Variants in RHCE observed in about 807,000 individuals in gnomAD.
RHCE encodes the protein blood group Rh(CE) polypeptide.
In RHCE, 22 loss-of-function variants were observed where a neutral mutation model predicts 43.8. The observed-to-expected ratio is 0.50, with a 90% confidence interval of 0.36 to 0.72. The LOEUF is 0.72. RHCE is among the 30% of genes least tolerant of loss of function. RHCE has a pLI of 0.00. For missense variants in RHCE, 385 were observed against 525.4 expected, an observed-to-expected ratio of 0.73 and a Z score of 2.61; for synonymous variants, 156 against 210.7, an observed-to-expected ratio of 0.74 and a Z score of 2.25.
intron 1 of RHCE, among the ~76,000 whole-genome samples, chr1:25,417,397 C>T (rs945996509): frequency 3.3e-5 from 5 of 152,186 alleles, no homozygotes; most frequent in Non-Finnish European, 5.9e-5. Context: ...CCAACTCGTG[C>T]AGAAAAACAC....
intron 1 of RHCE, among the ~76,000 whole-genome samples, chr1:25,415,605 T>C (rs1053086162): frequency 4.6e-5 from 7 of 151,836 alleles, no homozygotes; most frequent in African/African-American, 1.7e-4. Flanking sequence ...TGAGCCAAGA[T>C]CGCACCACTG....
chr1:25,369,274 A>G (rs1475949117), intron 9 of RHCE, among the ~76,000 whole-genome samples: 2 of 151,526 alleles, frequency 1.3e-5, no homozygotes. Flanking sequence ...TGGGTGGGGC[A>G]AGCATTGGCC....
Position 25,420,758 on chromosome 1 carries a change from C to T in RHCE, c.29G>A (p.Arg10Gln), listed in dbSNP as rs1221478142. ...TAGGGCGCAGAGGGGCAGGCAGCGC[C>T]GGACAGACCGCGGGTACTTAGAGCT... MSSKYPRSV[R>Q]RCLPLCALTL... The change falls in exon 1 of 10, where the codon CGG (arginine) becomes CAG (glutamine). Residue 10 changes from arginine (R) to glutamine (Q), a missense_variant. By Grantham distance (43) the Arg-to-Gln change is conservative (BLOSUM62 1). Around this residue, in one of 6 missense-constraint regions of RHCE, gnomAD observed 110 missense variants for 192.1 expected, o/e 0.57. Coordinates refer to ENST00000294413, the MANE Select transcript of RHCE (RefSeq NM_020485.8). 11 of 1,609,012 alleles carry T rather than the reference C, an allele frequency of 6.8e-6. No individual in the cohort carries two copies. Among genetic ancestry groups the T allele is most frequent in the Admixed American group, 5.0e-5 (3 of 59,454 alleles).
At chr1:25,373,836 C>CT (rs59722323) in intron 8 of RHCE, among the ~76,000 whole-genome samples, 20,981 of 143,224 alleles carry the variant, frequency 0.15, 1,761 homozygotes, top group East Asian at 0.25. Flanking sequence ...TATTTTCTTT[C>CT]TTTTTTTTTT....
intron 1 of RHCE, among the ~76,000 whole-genome samples, chr1:25,415,350 A>T (rs998880165): frequency 1.3e-5 from 2 of 152,218 alleles, no homozygotes; most frequent in African/African-American, 4.8e-5. Flanking sequence ...TATTTAAAAA[A>T]TTAAGAAATT....
At chr1:25,370,065 C>A (rs1645562106) in intron 9 of RHCE, among the ~76,000 whole-genome samples, 1 of 151,566 alleles carries the variant, frequency 6.6e-6, no homozygotes, top group African/African-American at 2.4e-5. Flanking sequence ...TAAGTCATGT[C>A]TCCACTCTTA....
At chr1:25,387,859 C>T (rs368959690) in intron 6 of RHCE, among the ~76,000 whole-genome samples, 15 of 151,526 alleles carry the variant, frequency 9.9e-5, no homozygotes, top group African/African-American at 3.2e-4. Flanking sequence ...CTTGTTCTGT[C>T]GCCCAGGCTG....
At chr1:25,428,301 C>T (rs867087609) in intron 2 of RHCE, among the ~76,000 whole-genome samples, 3 of 152,294 alleles carry the variant, frequency 2.0e-5, no homozygotes, top group Non-Finnish European at 4.4e-5. Flanking sequence ...GGCTGGAGCC[C>T]GGACTTTACC....
chr1:25,392,119 C>T lies in RHCE; in HGVS notation c.509G>A (p.Arg170Lys). 6.2e-7 allele frequency: 1 copy of T among 1,612,044 alleles called. No homozygotes were observed. Among genetic ancestry groups the T allele is most frequent in the South Asian group, 1.1e-5 (1 of 91,088 alleles). Reference sequence around the variant, plus strand: ...ATAGGCTGCGAACACGTAGAAGTGCCTCAGGTTCATGTGGTAGTCTGTCTG... The same window carrying T: ...ATAGGCTGCGAACACGTAGAAGTGCTTCAGGTTCATGTGGTAGTCTGTCTG... ...IFNTDYHMNL[R>K]HFYVFAAYFG... The change falls in exon 4 of 10, where the codon AGG (arginine) becomes AAG (lysine). Residue 170 changes from arginine (R) to lysine (K), a missense_variant. Arg to Lys is a conservative substitution (Grantham distance 26). This residue lies in a region of RHCE where 110 missense variants were observed against 103.4 expected (regional missense o/e 1.06). Transcript: ENST00000294413.
intron 3 of RHCE, among the ~76,000 whole-genome samples, chr1:25,399,639 T>C (rs1646667142): frequency 6.6e-6 from 1 of 152,288 alleles, no homozygotes; most frequent in East Asian, 1.9e-4. Context: ...TGTTTAATTT[T>C]CAAAAACTTC....
intron 2 of RHCE, 78 bp from the exon 3 acceptor site, chr1:25,402,824 CAACA>C: frequency 6.4e-7 from 1 of 1,572,686 alleles, no homozygotes; most frequent in Non-Finnish European, 8.7e-7. Context: ...TTCATTCATT[CAACA>C]AACACTGTTG....
intron 7 of RHCE, among the ~76,000 whole-genome samples, chr1:25,383,318 G>A (rs545839492): frequency 9.9e-5 from 15 of 152,276 alleles, no homozygotes; most frequent in African/African-American, 3.6e-4. Context: ...TGGAATTAAT[G>A]CAAAGTCAAC....
chr1:25,409,626 C>T (rs1357306127), intron 1 of RHCE, among the ~76,000 whole-genome samples: 1 of 123,478 alleles, frequency 8.1e-6, no homozygotes, highest in African/African-American at 2.5e-5. Flanking sequence ...AGCTCCAGAA[C>T]GAGACAAATT....
At chr1:25,380,239 CAT>C (rs1255796426) in intron 7 of RHCE, among the ~76,000 whole-genome samples, 1 of 140,588 alleles carries the variant, frequency 7.1e-6, no homozygotes, top group African/African-American at 2.7e-5. Context: ...CAAAACCCAA[CAT>C]AGAAAACAAC....
At chr1:25,386,854 C>T (rs1192785777) in intron 6 of RHCE, among the ~76,000 whole-genome samples, 4 of 150,564 alleles carry the variant, frequency 2.7e-5, no homozygotes, top group Non-Finnish European at 5.9e-5. Flanking sequence ...CACACACACA[C>T]ACACACACAC....
intron 3 of RHCE, among the ~76,000 whole-genome samples, chr1:25,401,115 C>G (rs1468452618): frequency 1.3e-5 from 2 of 152,186 alleles, no homozygotes; most frequent in Admixed American, 6.5e-5. Context: ...CCCTAGTTCT[C>G]CCTGTATTTC....
intron 2 of RHCE, among the ~76,000 whole-genome samples, chr1:25,404,344 G>A (rs1283374760): frequency 2.3e-4 from 33 of 145,032 alleles, no homozygotes; most frequent in Non-Finnish European, 4.5e-4. Flanking sequence ...CAAAGCCTGT[G>A]CTCTGAAGTC....
intron 6 of RHCE, among the ~76,000 whole-genome samples, chr1:25,388,680 C>T (rs568234603): frequency 6.6e-6 from 1 of 152,290 alleles, no homozygotes; most frequent in Non-Finnish European, 1.5e-5. Context: ...ACAGGGGCTT[C>T]TGGGCTCCCC....
intron 7 of RHCE, among the ~76,000 whole-genome samples, chr1:25,381,268 C>T (rs958412313): frequency 8.5e-5 from 13 of 152,076 alleles, no homozygotes; most frequent in Non-Finnish European, 1.8e-4. Context: ...GTTTCCAACA[C>T]GTGGTTCTTC....
Sources: gnomAD v4.1 joint callset for allele counts (sites outside exome capture counted in the v4.1 genomes callset) on GRCh38, gnomAD v4.1.1 for gene constraint, gnomAD v4.1.1 regional missense constraint, MANE v1.5 for transcripts, NCBI Gene and HGNC (gene_info 2026-07-23, HGNC 2026-07-21) for gene names.